The following ST7L variants were observed in gnomAD, a reference collection of about 807,000 sequenced individuals.
ST7L encodes the protein suppression of tumorigenicity 7 like.
Under a neutral mutation model 72.5 loss-of-function variants are expected in ST7L, and 57 were observed. That is an observed-to-expected ratio of 0.79 (90% confidence interval 0.64 to 0.98). ST7L has a LOEUF of 0.98. Among genes scored for constraint, ST7L ranks in the 50% least tolerant of loss-of-function variants. The pLI is 0.00. For missense variants in ST7L, 576 were observed against 672.2 expected (o/e 0.86, Z 1.58); for synonymous variants, 221 against 240.9 (o/e 0.92, Z 0.77).
At chr1:112,610,563 C>G in intron 3 of ST7L, 1 of 331,006 alleles carries the variant, frequency 3.0e-6, no homozygotes. Context: ...TTCTGGTTCA[C>G]AGACGGCGCC....
chr1:112,557,421 T>G (rs1340794856), intron 11 of ST7L, among the ~76,000 whole-genome samples: 1 of 152,256 alleles, frequency 6.6e-6, no homozygotes, highest in Non-Finnish European at 1.5e-5. Flanking sequence ...TACTTGTGCC[T>G]CATTTCTTCT....
intron 3 of ST7L, among the ~76,000 whole-genome samples, chr1:112,604,928 T>A (rs1347102455): frequency 7.5e-6 from 1 of 132,922 alleles, no homozygotes; most frequent in Non-Finnish European, 1.6e-5. Context: ...TCTACTAAAA[T>A]ACAAAAAAAA....
chr1:112,540,381 A>G, intron 14 of ST7L: 1 of 985,460 alleles, frequency 1.0e-6, no homozygotes, highest in Non-Finnish European at 1.2e-6. Flanking sequence ...AGGTCATTTC[A>G]GTTTGAGATG....
At chr1:112,556,986 A>C (rs1337123079) in intron 11 of ST7L, among the ~76,000 whole-genome samples, 1 of 114,134 alleles carries the variant, frequency 8.8e-6, no homozygotes, top group South Asian at 2.5e-4. Context: ...AAAAAAAAAC[A>C]AAAAAAAAAA....
At chr1:112,589,310 A>G (rs1665326519) in intron 6 of ST7L, among the ~76,000 whole-genome samples, 1 of 151,900 alleles carries the variant, frequency 6.6e-6, no homozygotes, top group Non-Finnish European at 1.5e-5. Flanking sequence ...GCTGGTCTCA[A>G]ACTCCTGAGC....
At position 112,598,037 on chromosome 1, in the gene ST7L, G is replaced by C; in HGVS notation, c.556C>G (p.Leu186Val). Residue 186 changes from leucine (L) to valine (V), a missense_variant, in exon 5 of 15, where the codon CTG becomes GTG. Physicochemically the swap from Leu to Val is conservative, Grantham distance 32 (BLOSUM62 1). Transcript: ENST00000358039. The part of the protein sequence containing the change: ...KEPLTYYDMN[L>V]SAQDHQTFFT... ...AAGGTCTGATGGTCCTGAGCTGACA[G>C]GTTCATGTCATAGTATGTAAGTGGC... The C allele has an allele frequency of 6.2e-7, 1 of 1,613,640 alleles. No individual in the cohort carries two copies. Among genetic ancestry groups the C allele is most frequent in the East Asian group, 2.2e-5 (1 of 44,848 alleles).
At chr1:112,570,108 T>C (rs1379752822) in intron 11 of ST7L, among the ~76,000 whole-genome samples, 2 of 152,074 alleles carry the variant, frequency 1.3e-5, no homozygotes, top group Non-Finnish European at 2.9e-5. Context: ...ATTCATATAG[T>C]AGCTGAAAGA....
At chr1:112,558,305 G>A (rs952853155) in intron 11 of ST7L, among the ~76,000 whole-genome samples, 3 of 152,064 alleles carry the variant, frequency 2.0e-5, no homozygotes, top group Non-Finnish European at 2.9e-5. Flanking sequence ...ACAAACTAAC[G>A]GGACAACAGA....
rs190926682 is a variant in ST7L at position 112,574,411 on chromosome 1, G to A, written c.1245+2575C>T. Reference sequence around the variant, plus strand: ...GCACTGGCTCACGCCTGTAATCCCAGCACTTTGGGAGGCCAAGGCGGGCGG... The same window carrying A: ...GCACTGGCTCACGCCTGTAATCCCAACACTTTGGGAGGCCAAGGCGGGCGG... On this transcript the variant is annotated intron_variant, in intron 11 of 14. Coordinates refer to ENST00000358039, the MANE Select transcript of ST7L (RefSeq NM_017744.5). 2.9e-3 allele frequency among the ~76,000 whole-genome samples: 442 copies of A among 151,758 alleles called. 5 individuals carry two copies. The highest frequency in any genetic ancestry group is 9.9e-3 in the African/African-American group (411 of 41,430).
intron 2 of ST7L, among the ~76,000 whole-genome samples, chr1:112,611,665 C>G (rs1669077016): frequency 6.6e-6 from 1 of 152,226 alleles, no homozygotes; most frequent in Admixed American, 6.5e-5. Flanking sequence ...CCAGGCCAGA[C>G]ACGGTGGTTC....
At chr1:112,519,531 A>C (rs1652743149), downstream of ST7L, among the ~76,000 whole-genome samples, 1 of 152,310 alleles carries the variant, frequency 6.6e-6, no homozygotes, top group African/African-American at 2.4e-5. Flanking sequence ...TCTTTTGCTA[A>C]AATCAGTCAG....
At chr1:112,548,600 C>A (rs893293910) in intron 13 of ST7L, among the ~76,000 whole-genome samples, 5 of 152,172 alleles carry the variant, frequency 3.3e-5, no homozygotes, top group Non-Finnish European at 7.3e-5. Flanking sequence ...TGTAAACCTG[C>A]AATTTTCCTT....
At chr1:112,565,526 C>G (rs1437612695) in intron 11 of ST7L, among the ~76,000 whole-genome samples, 1 of 152,198 alleles carries the variant, frequency 6.6e-6, no homozygotes, top group Admixed American at 6.5e-5. Context: ...AAACTGTTTT[C>G]AGGGTATTGT....
chr1:112,565,071 C>G (rs997033996), intron 11 of ST7L, among the ~76,000 whole-genome samples: 1 of 150,778 alleles, frequency 6.6e-6, no homozygotes, highest in Non-Finnish European at 1.5e-5. Flanking sequence ...TGAGATGGAG[C>G]TTTGCTCTTG....
chr1:112,612,335 C>T (rs926829704), intron 2 of ST7L, among the ~76,000 whole-genome samples: 11 of 152,104 alleles, frequency 7.2e-5, no homozygotes, highest in Non-Finnish European at 1.6e-4. Flanking sequence ...TGGGCTTAAG[C>T]GCTCTGCCCT....
chr1:112,541,171 G>C (rs1043570638), intron 14 of ST7L, among the ~76,000 whole-genome samples: 1 of 152,062 alleles, frequency 6.6e-6, no homozygotes, highest in African/African-American at 2.4e-5. Context: ...TATAGTCCCA[G>C]CTACTCGGGG....
intron 11 of ST7L, among the ~76,000 whole-genome samples, chr1:112,569,596 A>C (rs373566351): frequency 1.3e-5 from 2 of 152,256 alleles, no homozygotes; most frequent in South Asian, 4.1e-4. Context: ...AACCTTGTGA[A>C]TATACTAAAA....
intron 4 of ST7L, among the ~76,000 whole-genome samples, chr1:112,600,489 G>T (rs1283457181): frequency 3.9e-5 from 6 of 152,032 alleles, no homozygotes; most frequent in Admixed American, 2.0e-4. Flanking sequence ...CCAGCTACTT[G>T]GGAGGCTGAG....
intron 14 of ST7L, among the ~76,000 whole-genome samples, chr1:112,534,696 T>C (rs916545112): frequency 6.6e-6 from 1 of 152,192 alleles, no homozygotes; most frequent in African/African-American, 2.4e-5. Flanking sequence ...GTCTGCAAGA[T>C]AGAGATGTTT....
Sources: allele counts gnomAD v4.1 joint callset (sites outside exome capture counted in the v4.1 genomes callset), GRCh38; gene constraint gnomAD v4.1.1; transcripts MANE v1.5; gene names NCBI Gene and HGNC (gene_info 2026-07-23, HGNC 2026-07-21).